Variants in ZNF18 observed in about 807,000 individuals in gnomAD.
The protein encoded by ZNF18 is heart development-specific gene 1 protein.
Under a neutral mutation model 58.1 loss-of-function variants are expected in ZNF18, and 42 were observed. That is an observed-to-expected ratio of 0.72 (90% CI 0.56 to 0.93). ZNF18 has a LOEUF of 0.93. ZNF18 is among the 40% of genes least tolerant of loss of function. The pLI is 0.00. For synonymous variants in ZNF18, 231 were observed against 239.8 expected, an observed-to-expected ratio of 0.96 and a Z score of 0.34; for missense variants, 540 against 644.2, an observed-to-expected ratio of 0.84 and a Z score of 1.75.
chr17:11,985,635 T>G (rs890455283), intron 4 of ZNF18, among the ~76,000 whole-genome samples: 1 of 152,198 alleles, frequency 6.6e-6, no homozygotes, highest in Admixed American at 6.5e-5. Context: ...GTAAGCTCCA[T>G]GAGAAAAGGA....
In ZNF18 at chr17:11,978,461, C is replaced by T. The variant is rs1597941439; in HGVS notation, c.1146G>A (p.Met382Ile). Residue 382 changes from methionine (M) to isoleucine (I), a missense_variant, in exon 7 of 7, where the codon ATG (methionine) becomes ATA (isoleucine). Met to Ile is a conservative substitution (Grantham distance 10, BLOSUM62 1). Transcript: ENST00000580306. ...QHLPNPHSGE[M>I]STMWLEEKRE... ...TCTTCTCCTCAAGCCACATGGTGGA[C>T]ATTTCTCCTGAATGAGGATTAGGCA... 2.5e-6 allele frequency: 4 copies of T among 1,581,208 alleles called. No individual in the cohort carries two copies. The highest frequency in any genetic ancestry group is 1.7e-6 in the Non-Finnish European group (2 of 1,164,890).
upstream of ZNF18, chr17:11,998,562 GTCCTGTACCTGTCATTATC>G (rs1968596003): frequency 6.7e-6 from 1 of 148,896 alleles, no homozygotes; most frequent in African/African-American, 2.5e-5. Flanking sequence ...ATCATAACAT[GTCCTGTACCTGTCATTATC>G]ATAACATGTC....
chr17:11,984,022 G>T, intron 5 of ZNF18, 91 bp downstream of exon 5: 1 of 1,206,154 alleles, frequency 8.3e-7, no homozygotes, highest in Non-Finnish European at 1.2e-6. Flanking sequence ...GCGATTTTCA[G>T]TTCAGCAGAT....
chr17:12,003,979 T>A, the ZNF18 span, among the ~76,000 whole-genome samples: 15 of 152,320 alleles, frequency 9.8e-5, no homozygotes, highest in African/African-American at 3.4e-4. Context: ...ACGCCTGTAA[T>A]CCTAGCACTT....
At chr17:11,997,354 G>C (rs1436259175) in intron 1 of ZNF18, 77 bp downstream of exon 1, 2 of 152,320 alleles carry the variant, frequency 1.3e-5, no homozygotes, top group Non-Finnish European at 2.9e-5. Context: ...GCCCAGCTGA[G>C]TCAGGTGCGG....
At chr17:11,987,266 T>C (rs1373507510) in intron 4 of ZNF18, among the ~76,000 whole-genome samples, 2 of 152,370 alleles carry the variant, frequency 1.3e-5, no homozygotes, top group Middle Eastern at 3.4e-3. Context: ...CTGGAGTCTA[T>C]GTGAGGTTCC....
intron 6 of ZNF18, among the ~76,000 whole-genome samples, chr17:11,982,331 A>G (rs1374299550): frequency 2.6e-5 from 4 of 152,138 alleles, no homozygotes; most frequent in Non-Finnish European, 4.4e-5. Context: ...ACCCACCCCT[A>G]CATCTGATAT....
chr17:11,982,203 A>C (rs1345122984), intron 6 of ZNF18, among the ~76,000 whole-genome samples: 1 of 152,238 alleles, frequency 6.6e-6, no homozygotes, highest in African/African-American at 2.4e-5. Context: ...TTTGTTGTTT[A>C]AGCAACTTAG....
chr17:11,988,911 C>G (rs1348628130), intron 4 of ZNF18, among the ~76,000 whole-genome samples: 1 of 152,096 alleles, frequency 6.6e-6, no homozygotes, highest in East Asian at 1.9e-4. Context: ...GTAATCCCAG[C>G]ACTCTGGGAG....
intron 4 of ZNF18, among the ~76,000 whole-genome samples, chr17:11,988,881 G>A (rs541074310): frequency 1.3e-5 from 2 of 152,160 alleles, no homozygotes; most frequent in East Asian, 1.9e-4. Context: ...CAAGCAGGCC[G>A]GGCATGGTGG....
intron 6 of ZNF18, among the ~76,000 whole-genome samples, chr17:11,981,284 G>T (rs531482193): frequency 1.0e-4 from 15 of 150,736 alleles, no homozygotes; most frequent in African/African-American, 3.4e-4. Flanking sequence ...GTTGCTGCCG[G>T]ATTCATCTTC....
At chr17:12,005,875 T>C in the ZNF18 span, among the ~76,000 whole-genome samples, 4 of 152,176 alleles carry the variant, frequency 2.6e-5, no homozygotes, top group Non-Finnish European at 5.9e-5. Context: ...AATAAATACA[T>C]ATACAAACAG....
chr17:11,978,865 T>G, intron 6 of ZNF18, 121 bp from the exon 7 acceptor site: 1 of 654,924 alleles, frequency 1.5e-6, no homozygotes, highest in South Asian at 2.6e-5. Flanking sequence ...TTTTTTTTTT[T>G]TAGGGCATTA....
intron 3 of ZNF18, 44 bp downstream of exon 3, chr17:11,990,930 T>A (rs199846044): frequency 1.2e-5 from 19 of 1,577,422 alleles, no homozygotes; most frequent in Admixed American, 1.8e-5. Flanking sequence ...CTAATCACAA[T>A]CCCAAAATCT....
intron 4 of ZNF18, among the ~76,000 whole-genome samples, chr17:11,985,168 T>C (rs1285969485): frequency 1.3e-5 from 2 of 152,190 alleles, no homozygotes; most frequent in Admixed American, 1.3e-4. Context: ...GGTGTCCCAA[T>C]CTCCAAAAGA....
intron 6 of ZNF18, among the ~76,000 whole-genome samples, chr17:11,979,012 C>G (rs147063230): frequency 1.3e-5 from 2 of 150,404 alleles, no homozygotes; most frequent in South Asian, 4.2e-4. Context: ...GTGATCACTC[C>G]GTAAATAAAG....
intron 2 of ZNF18, among the ~76,000 whole-genome samples, chr17:11,991,987 T>C (rs1261605869): frequency 6.6e-6 from 1 of 151,908 alleles, no homozygotes; most frequent in Non-Finnish European, 1.5e-5. Flanking sequence ...AGGAGAAGCA[T>C]GGAAGCTCCA....
At chr17:11,986,486 T>G (rs1967749107) in intron 4 of ZNF18, among the ~76,000 whole-genome samples, 1 of 152,162 alleles carries the variant, frequency 6.6e-6, no homozygotes, top group Admixed American at 6.5e-5. Context: ...GTGGGAAGGA[T>G]AGGAAGCTGA....
the ZNF18 span, among the ~76,000 whole-genome samples, chr17:12,018,917 T>G: frequency 2.0e-5 from 3 of 150,992 alleles, no homozygotes; most frequent in Admixed American, 1.3e-4. Context: ...TTTGCTAGGT[T>G]GAAGGTTTTC....
Sources: allele counts gnomAD v4.1 joint callset (sites outside exome capture counted in the v4.1 genomes callset), GRCh38; gene constraint gnomAD v4.1.1; transcripts MANE v1.5; gene names NCBI Gene and HGNC (gene_info 2026-07-23, HGNC 2026-07-21).